The following HPS4 variants were observed in gnomAD, a reference collection of about 807,000 sequenced individuals.
The protein encoded by HPS4 is BLOC-3 complex member HPS4.
HPS4 carries 44 observed loss-of-function variants against 70.3 expected under a neutral mutation model. The observed-to-expected ratio is 0.63, with a 90% CI of 0.49 to 0.80. The LOEUF (loss-of-function observed/expected upper bound fraction) is 0.80, where lower values mean the gene tolerates loss of function less well. HPS4 is among the 30% of genes least tolerant of loss of function. The pLI is 0.00. For synonymous variants in HPS4, 377 were observed against 355.9 expected (o/e 1.06, Z -0.67); for missense variants, 873 against 884.4 (o/e 0.99, Z 0.16).
At position 26,452,026 on chromosome 22, in the gene HPS4, A is replaced by G. The variant is rs534698074; in HGVS notation, c.*1207T>C. The G allele has an allele frequency of 5.9e-3, 1,718 of 292,470 alleles. 9 individuals are homozygous for G. The highest frequency in any genetic ancestry group is 0.01 in the Middle Eastern group (8 of 772). 18.1% of individuals were successfully genotyped at this position (292,470 alleles called of 1,614,324 possible). ...CGCGCACACACACACACACACACACACACACACACACACACACTGTCTTAA... is the reference window on the plus strand; with the variant it reads ...CGCGCACACACACACACACACACACGCACACACACACACACACTGTCTTAA... On this transcript the variant is annotated 3_prime_UTR_variant, in exon 14 of 14. Transcript: ENST00000398145.
At position 26,452,661 on chromosome 22, in the gene HPS4, A is replaced by G. The variant is rs1449770980; in HGVS notation, c.*572T>C. The G allele has an allele frequency of 7.9e-6, 2 of 253,248 alleles. No homozygotes were observed. Among genetic ancestry groups the G allele is most frequent in the South Asian group, 4.4e-5 (1 of 22,814 alleles). 15.7% of individuals were successfully genotyped at this position (253,248 alleles called of 1,614,324 possible). Reference sequence around the variant, plus strand: ...CCCTAGATTTGAGTAGAGTTCCAACAGAATTCAACCAAGTGGTCTCCGTGT... The same window carrying G: ...CCCTAGATTTGAGTAGAGTTCCAACGGAATTCAACCAAGTGGTCTCCGTGT... On this transcript the variant is annotated 3_prime_UTR_variant, in exon 14 of 14. Coordinates refer to ENST00000398145, the MANE Select transcript of HPS4 (RefSeq NM_022081.6).
intron 13 of HPS4, among the ~76,000 whole-genome samples, chr22:26,456,647 C>A (rs533080042): frequency 5.1e-4 from 78 of 152,246 alleles, no homozygotes; most frequent in African/African-American, 1.8e-3. Flanking sequence ...GAGAGTGAGA[C>A]TCCATCTCAA....
downstream of HPS4, among the ~76,000 whole-genome samples, chr22:26,446,563 G>A (rs564024161): frequency 6.6e-6 from 1 of 152,202 alleles, no homozygotes; most frequent in East Asian, 1.9e-4. Flanking sequence ...ACTCATTTCC[G>A]GTCATGATTC....
rs1169836631 is a variant in HPS4, at chr22:26,453,227, T to C, written c.*6A>G. 2.5e-6 allele frequency: 4 copies of C among 1,614,120 alleles called. No individual in the cohort carries two copies. The highest frequency in any genetic ancestry group is 2.5e-6 in the Non-Finnish European group (3 of 1,180,002). The stretch of plus-strand genomic sequence containing the variant: ...TTCTCCTTCCCAGTCACCTCCTGGG[T>C]GCAGTTCAGAGCAAGTTCACCCCGT... On this transcript the variant is annotated 3_prime_UTR_variant, in exon 14 of 14. Transcript: ENST00000398145.
intron 1 of HPS4, among the ~76,000 whole-genome samples, 187 bp from the exon 2 acceptor site, chr22:26,482,427 A>G (rs2091377022): frequency 6.6e-6 from 1 of 152,178 alleles, no homozygotes; most frequent in Admixed American, 6.5e-5. Context: ...GTTAAGGGAA[A>G]CACACCACAA....
At position 26,464,657 on chromosome 22, in the gene HPS4, T is replaced by TCTCCTTCCTGCCATCTGGACAAGC. The variant is rs281865164; in HGVS notation, c.949_972dup (p.Ala317_Glu324dup). The TCTCCTTCCTGCCATCTGGACAAGC allele has an allele frequency of 2.2e-5, 36 of 1,612,570 alleles. No homozygotes were observed. Among genetic ancestry groups the TCTCCTTCCTGCCATCTGGACAAGC allele is most frequent in the Middle Eastern group, 1.7e-4 (1 of 6,056 alleles). On this transcript the variant is annotated inframe_insertion, in exon 11 of 14. Transcript: ENST00000398145. ...AGATCATGGCCAGACAAGCATCCGT[T>TCTCCTTCCTGCCATCTGGACAAGC]CTCCTTCCTGCCATCTGGACAAGCT...
intron 9 of HPS4, chr22:26,465,988 A>G: frequency 1.5e-6 from 2 of 1,347,580 alleles, no homozygotes; most frequent in South Asian, 2.5e-5. Context: ...CAGTCTCACA[A>G]TATGAAGTTA....
chr22:26,458,071 C>A (rs547548142), intron 12 of HPS4, 104 bp from the exon 13 acceptor site: 1 of 1,024,268 alleles, frequency 9.8e-7, no homozygotes, highest in African/African-American at 1.6e-5. Context: ...CGGCTCAAGG[C>A]CATGAGTTGG....
intron 13 of HPS4, chr22:26,453,940 A>G: frequency 5.8e-6 from 1 of 172,768 alleles, no homozygotes; most frequent in East Asian, 1.6e-4. Context: ...AGTGAAGGAC[A>G]GGAGTGGGAT....
intron 2 of HPS4, 99 bp downstream of exon 2, chr22:26,481,623 A>T: frequency 8.9e-7 from 1 of 1,127,430 alleles, no homozygotes; most frequent in Non-Finnish European, 1.4e-6. Context: ...TTGTTATGTT[A>T]ATAAAATTAA....
chr22:26,473,932 A>G (rs2090183079), intron 4 of HPS4, among the ~76,000 whole-genome samples: 2 of 152,252 alleles, frequency 1.3e-5, no homozygotes. Context: ...TGTAAGCTAC[A>G]GTAGCACAAG....
At chr22:26,447,824 C>T (rs934443432), downstream of HPS4, among the ~76,000 whole-genome samples, 3 of 152,176 alleles carry the variant, frequency 2.0e-5, no homozygotes, top group Non-Finnish European at 4.4e-5. Context: ...CCCAGGCACA[C>T]ACGTTGCTTC....
chr22:26,458,944 T>C (rs945944680), intron 11 of HPS4, among the ~76,000 whole-genome samples: 6 of 152,128 alleles, frequency 3.9e-5, no homozygotes, highest in Non-Finnish European at 7.3e-5. Flanking sequence ...AATGATTATA[T>C]TGTAGGAGAT....
downstream of HPS4, among the ~76,000 whole-genome samples, chr22:26,450,037 C>A (rs866086683): frequency 6.6e-6 from 1 of 152,212 alleles, no homozygotes; most frequent in African/African-American, 2.4e-5. Flanking sequence ...CTTCACGTGG[C>A]CTTCTCCACG....
At chr22:26,471,025 T>G (rs909355667) in intron 6 of HPS4, 1 of 968,938 alleles carries the variant, frequency 1.0e-6, no homozygotes, top group Non-Finnish European at 1.6e-6. Context: ...TGCCAAATTC[T>G]TAGAACAAGG....
At chr22:26,467,299 G>A (rs1569080641) in intron 8 of HPS4, 2 of 152,184 alleles carry the variant, frequency 1.3e-5, no homozygotes, top group Non-Finnish European at 2.9e-5. Context: ...AGGGCATATG[G>A]TCTCTGTCCC....
intron 13 of HPS4, 151 bp downstream of exon 13, chr22:26,457,708 C>T (rs991043152): frequency 1.3e-5 from 9 of 689,720 alleles, no homozygotes; most frequent in Admixed American, 2.1e-5. Context: ...TGGATGATGG[C>T]GGCAATAGGA....
At position 26,452,917 on chromosome 22, in the gene HPS4, T is replaced by C. The variant is rs1601763058; in HGVS notation, c.*316A>G. On this transcript the variant is annotated 3_prime_UTR_variant, in exon 14 of 14. Coordinates refer to ENST00000398145, the MANE Select transcript of HPS4 (RefSeq NM_022081.6). ...GGAAGCTTGTGGCACCAATTCAAGC[T>C]GGGATGGAACAGCAGGAGATATGAA... 2.8e-6 allele frequency: 1 copy of C among 355,028 alleles called. No individual in the cohort carries two copies. The highest frequency in any genetic ancestry group is 5.3e-6 in the Non-Finnish European group (1 of 188,740). 22.0% of individuals were successfully genotyped at this position (355,028 alleles called of 1,614,324 possible).
chr22:26,456,711 GACTAATAT>G (rs11279375), intron 13 of HPS4, among the ~76,000 whole-genome samples: 131,083 of 151,588 alleles, frequency 0.86, 57,260 homozygotes, highest in Non-Finnish European at 0.93. Flanking sequence ...GGACTACGTG[GACTAATAT>G]ACACATTGCC....
Sources: allele counts gnomAD v4.1 joint callset (sites outside exome capture counted in the v4.1 genomes callset), GRCh38; gene constraint gnomAD v4.1.1; transcripts MANE v1.5; gene names NCBI Gene and HGNC (gene_info 2026-07-23, HGNC 2026-07-21).